Variants in LAMA2 observed in about 807,000 individuals in gnomAD.
LAMA2 encodes the protein laminin subunit alpha-2.
In LAMA2, 269 loss-of-function variants were observed where a neutral mutation model predicts 364.8. The observed-to-expected ratio is 0.74, with a 90% confidence interval of 0.67 to 0.82. LAMA2 has a LOEUF of 0.82. Ranked by LOEUF, LAMA2 falls within the 40% of genes least tolerant of loss-of-function variation. The pLI is 0.00. For synonymous variants in LAMA2, 1,379 were observed against 1,370.6 expected (o/e 1.01, Z -0.14); for missense variants, 3,807 against 3,873.2 (o/e 0.98, Z 0.45).
intron 55 of LAMA2, among the ~76,000 whole-genome samples, chr6:129,483,045 C>T (rs920030716): frequency 2.3e-4 from 32 of 136,846 alleles, no homozygotes; most frequent in African/African-American, 5.6e-4. Flanking sequence ...CCAGCCTGCG[C>T]GACAATGTGA....
At chr6:129,251,040 T>TTCTCTCTCTCTCTC (rs66896334) in intron 13 of LAMA2, among the ~76,000 whole-genome samples, 2 of 61,672 alleles carry the variant, frequency 3.2e-5, no homozygotes, top group African/African-American at 1.4e-4. Flanking sequence ...GTCTCTCTCT[T>TTCTCTCTCTCTCTC]TCTCTCTCTC....
chr6:129,206,209 T>C lies in LAMA2; in HGVS notation c.1782+13356T>C, dbSNP rs149703483. On this transcript the variant is annotated intron_variant, in intron 12 of 64. Transcript: ENST00000421865. Reference sequence around the variant, plus strand: ...AAGTAGTTTATCTATCTAATCTATATGTATGACTACTATTTGTCTTTTAAA... The same window carrying C: ...AAGTAGTTTATCTATCTAATCTATACGTATGACTACTATTTGTCTTTTAAA... Among the ~76,000 whole-genome samples, 330 of 152,242 alleles carry C rather than the reference T, an allele frequency of 2.2e-3. 3 individuals carry two copies. Among genetic ancestry groups the C allele is most frequent in the African/African-American group, 7.6e-3 (316 of 41,532 alleles).
intron 1 of LAMA2, among the ~76,000 whole-genome samples, chr6:129,033,613 C>A (rs1415255913): frequency 6.6e-6 from 1 of 151,984 alleles, no homozygotes; most frequent in African/African-American, 2.4e-5. Flanking sequence ...GTTTAAGGTT[C>A]TAAATTTCAT....
chr6:129,421,340 T>C (rs992266390), intron 40 of LAMA2, among the ~76,000 whole-genome samples: 3 of 151,664 alleles, frequency 2.0e-5, no homozygotes, highest in Admixed American at 6.6e-5. Context: ...TGTATGAATA[T>C]ATATATATGT....
intron 8 of LAMA2, chr6:129,157,909 T>C: frequency 6.2e-7 from 1 of 1,614,202 alleles, no homozygotes; most frequent in Non-Finnish European, 8.5e-7. Flanking sequence ...AGGTAGCGTT[T>C]GGTGCCCACC....
intron 1 of LAMA2, among the ~76,000 whole-genome samples, chr6:129,007,255 G>A (rs898759135): frequency 1.3e-5 from 2 of 152,024 alleles, no homozygotes; most frequent in African/African-American, 2.4e-5. Context: ...TGGAGAGAGG[G>A]GAAATATGAG....
intron 12 of LAMA2, among the ~76,000 whole-genome samples, chr6:129,235,955 A>G (rs1399383216): frequency 6.6e-6 from 1 of 152,190 alleles, no homozygotes; most frequent in Non-Finnish European, 1.5e-5. Context: ...ATACTGTGCA[A>G]TGTACTTACT....
chr6:129,351,755 A>G (rs1397336177), intron 31 of LAMA2, among the ~76,000 whole-genome samples: 1 of 152,198 alleles, frequency 6.6e-6, no homozygotes, highest in Non-Finnish European at 1.5e-5. Context: ...ATCAATCTGA[A>G]TCTGCTTAGA....
intron 1 of LAMA2, among the ~76,000 whole-genome samples, chr6:128,895,799 T>G (rs1464337180): frequency 6.6e-6 from 1 of 152,228 alleles, no homozygotes; most frequent in Non-Finnish European, 1.5e-5. Flanking sequence ...TTGGAAGCAC[T>G]GGATATCGTA....
At chr6:129,266,414 A>C (rs937522091) in intron 15 of LAMA2, among the ~76,000 whole-genome samples, 2 of 152,184 alleles carry the variant, frequency 1.3e-5, no homozygotes, top group South Asian at 4.1e-4. Context: ...GGAATGAAAA[A>C]TACAAGCAAA....
At position 129,386,520 on chromosome 6, in the gene LAMA2, A is replaced by T. The variant is rs78500609; in HGVS notation, c.5071+3287A>T. Among the ~76,000 whole-genome samples the T allele has an allele frequency of 0.11, 16,513 of 152,150 alleles. 1,056 individuals carry two copies. Among genetic ancestry groups the T allele is most frequent in the African/African-American group, 0.16 (6,530 of 41,502 alleles). On this transcript the variant is annotated intron_variant, in intron 35 of 64. Transcript: ENST00000421865. The stretch of plus-strand genomic sequence containing the variant: ...GAGAAATGGAAAATGACAGCATTTT[A>T]AAATTTAACTTTCAGTAGAAAAATA...
At chr6:129,348,024 AAG>A (rs1481885406) in intron 30 of LAMA2, among the ~76,000 whole-genome samples, 1 of 152,146 alleles carries the variant, frequency 6.6e-6, no homozygotes, top group Non-Finnish European at 1.5e-5. Context: ...ATATATGTAT[AAG>A]AGTGTGTGTG....
chr6:129,427,730 A>G, intron 40 of LAMA2, 22 bp from the exon 41 acceptor site: 1 of 1,530,940 alleles, frequency 6.5e-7, no homozygotes, highest in Non-Finnish European at 9.1e-7. Context: ...TAGATGTATG[A>G]CATTTGTTTT....
chr6:129,146,683 C>T (rs1199841026), intron 5 of LAMA2, among the ~76,000 whole-genome samples: 2 of 152,012 alleles, frequency 1.3e-5, no homozygotes, highest in African/African-American at 4.8e-5. Flanking sequence ...CTGTCAGCCA[C>T]AGGTACTCTA....
intron 10 of LAMA2, among the ~76,000 whole-genome samples, chr6:129,187,822 C>T (rs1017936833): frequency 6.6e-6 from 1 of 151,760 alleles, no homozygotes; most frequent in African/African-American, 2.4e-5. Context: ...CCCAAAGTTT[C>T]AAATTTTGAA....
intron 41 of LAMA2, among the ~76,000 whole-genome samples, chr6:129,437,264 C>T (rs1489059398): frequency 1.3e-5 from 2 of 152,070 alleles, no homozygotes; most frequent in African/African-American, 2.4e-5. Flanking sequence ...CTCTAAGTCT[C>T]AATTTCCTCA....
intron 10 of LAMA2, among the ~76,000 whole-genome samples, chr6:129,186,188 A>C (rs1425980499): frequency 6.6e-6 from 1 of 151,710 alleles, no homozygotes; most frequent in African/African-American, 2.4e-5. Context: ...TTTTGCAACC[A>C]TTGAAGTATA....
intron 17 of LAMA2, among the ~76,000 whole-genome samples, chr6:129,276,930 AC>A (rs1554261558): frequency 6.6e-6 from 1 of 152,156 alleles, no homozygotes; most frequent in Non-Finnish European, 1.5e-5. Context: ...TGACATAGTC[AC>A]ATGTATACAC....
chr6:128,922,060 G>A (rs1200630458), intron 1 of LAMA2, among the ~76,000 whole-genome samples: 1 of 152,064 alleles, frequency 6.6e-6, no homozygotes, highest in Non-Finnish European at 1.5e-5. Context: ...TGGCTGCATA[G>A]TATTCCATGG....
Sources: gnomAD v4.1 joint callset for allele counts (sites outside exome capture counted in the v4.1 genomes callset) on GRCh38, gnomAD v4.1.1 for gene constraint, MANE v1.5 for transcripts, NCBI Gene and HGNC (gene_info 2026-07-23, HGNC 2026-07-21) for gene names.